KLHL14: variants seen among roughly 807,000 people sequenced by gnomAD.
KLHL14 encodes kelch-like protein 14.
A neutral mutation model predicts 64.3 loss-of-function variants in KLHL14; 22 were observed. The ratio of observed to expected loss-of-function variants is 0.34; its 90% CI spans 0.24 to 0.49. KLHL14 has a LOEUF of 0.49. KLHL14 is among the 20% of genes least tolerant of loss of function. KLHL14 has a pLI of 0.99. For missense variants in KLHL14, 661 were observed against 789.0 expected (o/e 0.84, Z 1.94); for synonymous variants, 322 against 333.4 (o/e 0.97, Z 0.37).
intron 2 of KLHL14, among the ~76,000 whole-genome samples, chr18:32,755,555 C>T (rs1286477901): frequency 6.6e-6 from 1 of 152,052 alleles, no homozygotes; most frequent in African/African-American, 2.4e-5. Flanking sequence ...AAATTTTTCC[C>T]CATTTTTTAA....
intron 3 of KLHL14, among the ~76,000 whole-genome samples, chr18:32,696,729 T>C (rs1458890111): frequency 6.6e-6 from 1 of 152,222 alleles, no homozygotes; most frequent in Non-Finnish European, 1.5e-5. Context: ...GCCTGACTTA[T>C]TTTGGGTGCT....
intron 3 of KLHL14, among the ~76,000 whole-genome samples, chr18:32,731,283 T>C (rs12969760): frequency 0.24 from 36,453 of 152,042 alleles, 4,538 homozygotes; most frequent in Middle Eastern, 0.32. Flanking sequence ...GGGATATGTG[T>C]ACATAATAAT....
intron 1 of KLHL14, among the ~76,000 whole-genome samples, chr18:32,771,887 C>T (rs1042199934): frequency 2.0e-5 from 3 of 151,942 alleles, no homozygotes; most frequent in Non-Finnish European, 2.9e-5. Flanking sequence ...CTGACCCCCT[C>T]GGTAGAGCCC....
At chr18:32,742,722 GT>G (rs2144531398) in intron 2 of KLHL14, 1 of 152,616 alleles carries the variant, frequency 6.6e-6, no homozygotes, top group African/African-American at 2.4e-5. Flanking sequence ...AAATGAGACT[GT>G]GATGTTGTTG....
intron 3 of KLHL14, among the ~76,000 whole-genome samples, chr18:32,711,377 G>A (rs1214975769): frequency 6.6e-6 from 1 of 152,056 alleles, no homozygotes; most frequent in Non-Finnish European, 1.5e-5. Context: ...TAATAACTGA[G>A]AAACTAGATA....
intron 4 of KLHL14, among the ~76,000 whole-genome samples, chr18:32,687,848 A>C (rs1350194559): frequency 1.3e-5 from 2 of 152,200 alleles, no homozygotes; most frequent in African/African-American, 4.8e-5. Flanking sequence ...CTCTCTGTTC[A>C]AACAATAGCA....
intron 8 of KLHL14, among the ~76,000 whole-genome samples, chr18:32,676,759 A>C (rs900562157): frequency 2.0e-5 from 3 of 152,182 alleles, no homozygotes; most frequent in African/African-American, 7.2e-5. Context: ...AGGGAAAATA[A>C]GGGGAAAAAT....
At chr18:32,759,697 TTCTCTCTCTC>T (rs140880053) in intron 2 of KLHL14, among the ~76,000 whole-genome samples, 4 of 148,380 alleles carry the variant, frequency 2.7e-5, no homozygotes, top group Admixed American at 6.7e-5. Context: ...CATTATAACC[TTCTCTCTCTC>T]TCTCTCTCTC....
In KLHL14 at chr18:32,699,963, A is replaced by G. The variant is rs947351344; in HGVS notation, c.1070-4411T>C. 1.1e-4 allele frequency among the ~76,000 whole-genome samples: 16 copies of G among 151,758 alleles called. No homozygotes were observed. In the East Asian group the frequency reaches 2.9e-3, roughly 28 times the overall value. ...TTTTTAAACAGTAAGGACATATTTCAACCTTGCAAGCAGATTCAAAATACC... is the reference window on the plus strand; with the variant it reads ...TTTTTAAACAGTAAGGACATATTTCGACCTTGCAAGCAGATTCAAAATACC... On this transcript the variant is annotated intron_variant, in intron 3 of 8. Transcript: ENST00000359358.
chr18:32,701,326 A>G (rs1032179010), intron 3 of KLHL14, among the ~76,000 whole-genome samples: 46 of 152,224 alleles, frequency 3.0e-4, no homozygotes, highest in African/African-American at 1.1e-3. Context: ...ATAGGAGCAC[A>G]GCCAGGTGAT....
intron 3 of KLHL14, chr18:32,740,651 G>A (rs1180429880): frequency 6.6e-6 from 1 of 152,108 alleles, no homozygotes; most frequent in Non-Finnish European, 1.5e-5. Flanking sequence ...CACTCACTCC[G>A]ATGTTTAAAC....
chr18:32,677,422 C>A, intron 7 of KLHL14, 92 bp from the exon 8 acceptor site: 1 of 1,135,868 alleles, frequency 8.8e-7, no homozygotes, highest in Non-Finnish European at 1.2e-6. Context: ...AGTCTCAAGC[C>A]AAAATAGATA....
intron 1 of KLHL14, chr18:32,772,022 C>G: frequency 4.2e-6 from 1 of 237,270 alleles, no homozygotes. Flanking sequence ...AATCGATACG[C>G]CAGGTCCTTA....
At chr18:32,713,288 AC>A (rs2050029449) in intron 3 of KLHL14, among the ~76,000 whole-genome samples, 1 of 152,176 alleles carries the variant, frequency 6.6e-6, no homozygotes, top group South Asian at 2.1e-4. Flanking sequence ...TCTTCAACTT[AC>A]CAGTGCCCCC....
intron 4 of KLHL14, among the ~76,000 whole-genome samples, chr18:32,687,852 A>T (rs1242341099): frequency 6.6e-6 from 1 of 152,214 alleles, no homozygotes; most frequent in Admixed American, 6.5e-5. Flanking sequence ...CTGTTCAAAC[A>T]ATAGCAGCCA....
chr18:32,748,396 G>A (rs937362598), intron 2 of KLHL14, among the ~76,000 whole-genome samples: 3 of 149,396 alleles, frequency 2.0e-5, no homozygotes, highest in South Asian at 4.2e-4. Flanking sequence ...TTGAGATGGA[G>A]TATCGCTCTG....
chr18:32,708,818 C>T (rs1374929260), intron 3 of KLHL14, among the ~76,000 whole-genome samples: 4 of 152,126 alleles, frequency 2.6e-5, no homozygotes, highest in Non-Finnish European at 5.9e-5. Flanking sequence ...AGAAGGAGCT[C>T]GTGTTGTGAG....
intron 3 of KLHL14, among the ~76,000 whole-genome samples, chr18:32,697,851 A>G (rs2049944550): frequency 1.3e-5 from 2 of 152,180 alleles, no homozygotes; most frequent in African/African-American, 4.8e-5. Context: ...TCCTACTTTA[A>G]AGGCTACTTG....
chr18:32,687,319 C>T (rs2049884416), intron 4 of KLHL14, 86 bp from the exon 5 acceptor site: 2 of 1,057,026 alleles, frequency 1.9e-6, no homozygotes, highest in Admixed American at 3.4e-5. Context: ...CGTCTCTATT[C>T]TCAGGTTTAA....
Sources: allele counts gnomAD v4.1 joint callset (sites outside exome capture counted in the v4.1 genomes callset), GRCh38; gene constraint gnomAD v4.1.1; transcripts MANE v1.5; gene names NCBI Gene and HGNC (gene_info 2026-07-23, HGNC 2026-07-21).